AEBP2: variants seen among roughly 807,000 people sequenced by gnomAD.
The protein encoded by AEBP2 is zinc finger protein AEBP2.
A neutral mutation model predicts 50.8 loss-of-function variants in AEBP2; 10 were observed. The ratio of observed to expected loss-of-function variants is 0.20; its 90% CI spans 0.12 to 0.33. The LOEUF is 0.33. AEBP2 is among the 10% of genes least tolerant of loss of function. The pLI is 1.00. For synonymous variants in AEBP2, 296 were observed against 261.3 expected, an observed-to-expected ratio of 1.13 and a Z score of -1.28; for missense variants, 570 against 688.0, an observed-to-expected ratio of 0.83 and a Z score of 1.92.
intron 1 of AEBP2, among the ~76,000 whole-genome samples, chr12:19,459,131 G>T (rs1238144127): frequency 3.3e-5 from 5 of 152,340 alleles, no homozygotes; most frequent in Admixed American, 2.6e-4. Flanking sequence ...GTTTATGTAA[G>T]TATGTGCTTT....
chr12:19,491,520 T>C (rs1294464650), intron 3 of AEBP2, among the ~76,000 whole-genome samples: 1 of 152,220 alleles, frequency 6.6e-6, no homozygotes, highest in South Asian at 2.1e-4. Flanking sequence ...TCTAGCATAT[T>C]ATGTAATACT....
chr12:19,425,720 C>T (rs894371845), intron 1 of AEBP2, among the ~76,000 whole-genome samples: 15 of 146,038 alleles, frequency 1.0e-4, no homozygotes, highest in South Asian at 2.2e-4. Flanking sequence ...TGCAGCAAGC[C>T]GAGATCCTGC....
chr12:19,493,497 T>A (rs1948925401), intron 3 of AEBP2, among the ~76,000 whole-genome samples: 1 of 152,232 alleles, frequency 6.6e-6, no homozygotes, highest in Non-Finnish European at 1.5e-5. Context: ...CAATGATTAA[T>A]TCAAAACCAG....
upstream of AEBP2, among the ~76,000 whole-genome samples, chr12:19,435,219 C>T (rs926221999): frequency 2.0e-5 from 3 of 151,424 alleles, no homozygotes; most frequent in Admixed American, 6.6e-5. Context: ...CTGGACCTCC[C>T]TAGGCTCAGG....
At position 19,518,158 on chromosome 12, in the gene AEBP2, C is replaced by T; in HGVS notation, c.*41C>T. ...ATAAAAAGCAAACAAGCGGGGACAC[C>T]TGCAGTCTTAGTCACTGACAATGGG... On this transcript the variant is annotated 3_prime_UTR_variant, in exon 8 of 8. Transcript: ENST00000266508. 1 of 1,565,364 alleles carries T rather than the reference C, an allele frequency of 6.4e-7. No individual in the cohort carries two copies. The highest frequency in any genetic ancestry group is 8.6e-7 in the Non-Finnish European group (1 of 1,156,854).
chr12:19,497,453 C>A (rs975391736), intron 4 of AEBP2, among the ~76,000 whole-genome samples: 1 of 143,874 alleles, frequency 7.0e-6, no homozygotes, highest in African/African-American at 2.6e-5. Flanking sequence ...GATCTTTCAA[C>A]CTTTTTGCTT....
chr12:19,502,046 T>A (rs1949089580), intron 5 of AEBP2, among the ~76,000 whole-genome samples: 1 of 152,166 alleles, frequency 6.6e-6, no homozygotes, highest in South Asian at 2.1e-4. Context: ...TATAAAGGCC[T>A]TTTAGAGCAT....
chr12:19,503,448 A>AT (rs1011044330), intron 5 of AEBP2, among the ~76,000 whole-genome samples: 14 of 151,740 alleles, frequency 9.2e-5, no homozygotes, highest in Admixed American at 3.3e-4. Flanking sequence ...TTGTACATTG[A>AT]TTTTTTTTGT....
At chr12:19,465,413 T>G (rs1948456249) in intron 2 of AEBP2, among the ~76,000 whole-genome samples, 1 of 150,728 alleles carries the variant, frequency 6.6e-6, no homozygotes, top group Non-Finnish European at 1.5e-5. Flanking sequence ...ATAAATAAAA[T>G]AAAAAGAGTA....
At chr12:19,427,930 G>A (rs1021698012) in intron 1 of AEBP2, among the ~76,000 whole-genome samples, 2 of 151,332 alleles carry the variant, frequency 1.3e-5, no homozygotes, top group Non-Finnish European at 2.9e-5. Flanking sequence ...TTTCTGAGAC[G>A]AAGTTTCTCT....
chr12:19,493,060 T>C (rs1948918290), intron 3 of AEBP2, among the ~76,000 whole-genome samples: 1 of 152,134 alleles, frequency 6.6e-6, no homozygotes, highest in South Asian at 2.1e-4. Context: ...TGTGTAACAC[T>C]AGGAAGTCTG....
chr12:19,487,976 C>T (rs888540152), intron 3 of AEBP2, among the ~76,000 whole-genome samples: 3 of 151,744 alleles, frequency 2.0e-5, no homozygotes, highest in East Asian at 1.9e-4. Flanking sequence ...AGCAAAGACT[C>T]GATTGATGCA....
intron 2 of AEBP2, among the ~76,000 whole-genome samples, chr12:19,463,935 G>T (rs763833032): frequency 4.3e-4 from 66 of 152,118 alleles, no homozygotes; most frequent in Middle Eastern, 6.8e-3. Context: ...CAGAGTGCTG[G>T]GATTACAGGC....
chr12:19,419,661 G>A (rs923035371), intron 1 of AEBP2, among the ~76,000 whole-genome samples: 19 of 151,922 alleles, frequency 1.3e-4, no homozygotes, highest in African/African-American at 4.4e-4. Flanking sequence ...CGGGCATGGC[G>A]GCTCACCCCT....
chr12:19,427,584 G>A (rs2095749213), intron 1 of AEBP2, among the ~76,000 whole-genome samples: 1 of 150,794 alleles, frequency 6.6e-6, no homozygotes, highest in Non-Finnish European at 1.5e-5. Flanking sequence ...GTAGGTTGCT[G>A]GACTTCTATG....
chr12:19,509,811 G>A (rs199676255), intron 5 of AEBP2, among the ~76,000 whole-genome samples: 2 of 145,004 alleles, frequency 1.4e-5, no homozygotes, highest in African/African-American at 2.5e-5. Context: ...TTAGTAACAT[G>A]GCTACTTTCT....
intron 1 of AEBP2, among the ~76,000 whole-genome samples, chr12:19,415,328 AAAAAAAAAAAAAAAAAAAAAAAATAT>A (rs1453511331): frequency 3.7e-5 from 1 of 27,086 alleles, no homozygotes; most frequent in African/African-American, 1.2e-4. Flanking sequence ...AAAAAAAAAA[AAAAAAAAAAAAAAAAAAAAAAAATAT>A]ATATATATAT....
At chr12:19,459,954 G>C (rs1948343590) in intron 1 of AEBP2, among the ~76,000 whole-genome samples, 1 of 152,178 alleles carries the variant, frequency 6.6e-6, no homozygotes, top group Non-Finnish European at 1.5e-5. Flanking sequence ...CGGTGCAGTG[G>C]CTAATGCCTG....
rs562048607 is a variant in AEBP2, at chr12:19,441,832, C to T, written c.671+1462C>T. The stretch of plus-strand genomic sequence containing the variant: ...ATTTTATGCTCCTCTGATACCATTA[C>T]ATATCTGAAAGTTGACATTAGTTTA... On this transcript the variant is annotated intron_variant, in intron 1 of 7. Transcript: ENST00000266508. Among the ~76,000 whole-genome samples the T allele has an allele frequency of 2.6e-5, 4 of 152,308 alleles. 1 individual carries two copies. The highest frequency in any genetic ancestry group is 9.6e-5 in the African/African-American group (4 of 41,582).
Sources: gnomAD v4.1 joint callset for allele counts (sites outside exome capture counted in the v4.1 genomes callset) on GRCh38, gnomAD v4.1.1 for gene constraint, MANE v1.5 for transcripts, NCBI Gene and HGNC (gene_info 2026-07-23, HGNC 2026-07-21) for gene names.